The following CXXC4 variants were observed in gnomAD, a reference collection of about 807,000 sequenced individuals.
CXXC4 encodes CXXC finger protein 4.
In CXXC4, 5 loss-of-function variants were observed where a neutral mutation model predicts 20.5. That is an observed-to-expected ratio of 0.24 (90% CI 0.13 to 0.51). The LOEUF (loss-of-function observed/expected upper bound fraction) is 0.51. Ranked by LOEUF, CXXC4 falls within the 20% of genes least tolerant of loss-of-function variation. CXXC4 has a pLI of 0.97. For missense variants in CXXC4, 419 were observed against 496.4 expected (o/e 0.84, Z 1.48); for synonymous variants, 250 against 216.4 (o/e 1.16, Z -1.36).
intron 2 of CXXC4, among the ~76,000 whole-genome samples, chr4:104,483,665 A>G (rs933607809): frequency 6.6e-6 from 1 of 151,838 alleles, no homozygotes; most frequent in Admixed American, 6.6e-5. Flanking sequence ...ATGTTTTCCA[A>G]CTGGAATTCA....
At chr4:104,490,701 G>C (rs373697391) in intron 2 of CXXC4, 43 bp downstream of exon 2, 2 of 1,518,328 alleles carry the variant, frequency 1.3e-6, no homozygotes, top group Non-Finnish European at 9.0e-7. Context: ...GGAGTGAGGA[G>C]GGAAGGGGGG....
rs1454279787 is a variant in CXXC4, at chr4:104,494,683, G to A, written c.-258+18C>T. On this transcript the variant is annotated intron_variant, in intron 1 of 2. Transcript: ENST00000394767. ...TGGGGGGGGGGGGGTAAATAAATATGCGGATCAAAAAAAATACCTGTAAAT... is the reference window on the plus strand; with the variant it reads ...TGGGGGGGGGGGGGTAAATAAATATACGGATCAAAAAAAATACCTGTAAAT... 8 of 146,554 alleles carry A rather than the reference G, an allele frequency of 5.5e-5. No individual in the cohort carries two copies. The highest frequency in any genetic ancestry group is 4.5e-4 in the South Asian group (2 of 4,474). The allele number at this position is 146,554 out of a possible 1,614,324, so 9.1% of individuals were successfully genotyped here.
chr4:104,480,746 T>C (rs1348559957), intron 2 of CXXC4, among the ~76,000 whole-genome samples: 1 of 152,100 alleles, frequency 6.6e-6, no homozygotes, highest in Non-Finnish European at 1.5e-5. Context: ...ACCTTAAGTA[T>C]GCCATTTCTT....
chr4:104,494,005 C>T (rs1736975103), intron 1 of CXXC4, among the ~76,000 whole-genome samples: 1 of 152,070 alleles, frequency 6.6e-6, no homozygotes, highest in Non-Finnish European at 1.5e-5. Flanking sequence ...TTTCCAAACA[C>T]AAGCTTTCCT....
At chr4:104,476,865 A>T (rs1314153426) in intron 2 of CXXC4, among the ~76,000 whole-genome samples, 3 of 152,182 alleles carry the variant, frequency 2.0e-5, no homozygotes, top group African/African-American at 7.2e-5. Context: ...AACAAAAGTC[A>T]TGAAATCATT....
In CXXC4 at chr4:104,470,737, T is replaced by C. The variant is rs989783122; in HGVS notation, c.*1585A>G. The C allele has an allele frequency of 6.6e-6, 1 of 152,060 alleles. No individual in the cohort carries two copies. Among genetic ancestry groups the C allele is most frequent in the Non-Finnish European group, 1.5e-5 (1 of 67,974 alleles). 9.4% of individuals were successfully genotyped at this position (152,060 alleles called of 1,614,324 possible). A position where few individuals can be genotyped will look rare whatever the true frequency, so the allele number is the denominator to read the frequency against. Reference sequence around the variant, plus strand: ...TGGCTAGTGGACAAAGAACAAAAAGTTGCAGTAGGTAACTTTGATACTCTA... The same window carrying C: ...TGGCTAGTGGACAAAGAACAAAAAGCTGCAGTAGGTAACTTTGATACTCTA... On this transcript the variant is annotated 3_prime_UTR_variant, in exon 3 of 3. Transcript: ENST00000394767.
chr4:104,485,381 G>A (rs951717782), intron 2 of CXXC4, among the ~76,000 whole-genome samples: 9 of 152,008 alleles, frequency 5.9e-5, no homozygotes, highest in Admixed American at 1.3e-4. Context: ...AAATGCAAGA[G>A]TTTATTTTTG....
intron 2 of CXXC4, among the ~76,000 whole-genome samples, chr4:104,487,592 A>G (rs72951400): frequency 2.2e-4 from 33 of 152,326 alleles, no homozygotes; most frequent in African/African-American, 7.5e-4. Context: ...TTAAAACATC[A>G]AGGAACTTAA....
chr4:104,479,831 C>T (rs1260235059), intron 2 of CXXC4, among the ~76,000 whole-genome samples: 2 of 150,538 alleles, frequency 1.3e-5, no homozygotes, highest in African/African-American at 4.9e-5. Flanking sequence ...CCCTCCCTCC[C>T]TCTCTCCCTT....
chr4:104,489,035 T>C (rs1736767478), intron 2 of CXXC4, among the ~76,000 whole-genome samples: 1 of 152,204 alleles, frequency 6.6e-6, no homozygotes, highest in Non-Finnish European at 1.5e-5. Flanking sequence ...TAATTTCCCA[T>C]AGTCCTTAGA....
Position 104,491,741 on chromosome 4 carries a change from T to C in CXXC4, c.62A>G (p.Glu21Gly). 1 of 1,540,180 alleles carries C rather than the reference T, an allele frequency of 6.5e-7. No homozygotes were observed. Among genetic ancestry groups the C allele is most frequent in the Non-Finnish European group, 8.8e-7 (1 of 1,142,278 alleles). ...CAGAGCCCCCTCGGGCAAGTGGCTTTCCTTGGGCAAGCCCGGGGCCTCCGG... is the reference window on the plus strand; with the variant it reads ...CAGAGCCCCCTCGGGCAAGTGGCTTCCCTTGGGCAAGCCCGGGGCCTCCGG... ...PSPEAPGLPK[E>G]SHLPEGALNS... The change falls in exon 2 of 3, where the codon GAA becomes GGA. Residue 21 changes from glutamate (E) to glycine (G), a missense_variant. Coordinates refer to ENST00000394767, the MANE Select transcript of CXXC4 (RefSeq NM_025212.4).
At chr4:104,475,926 C>T (rs1578315117) in intron 2 of CXXC4, among the ~76,000 whole-genome samples, 1 of 152,112 alleles carries the variant, frequency 6.6e-6, no homozygotes, top group East Asian at 1.9e-4. Flanking sequence ...CGCTGACAAA[C>T]AGCCGTCTTG....
In CXXC4 at chr4:104,492,010, G is replaced by A. The variant is rs2110281397; in HGVS notation, c.-208C>T. On this transcript the variant is annotated 5_prime_UTR_variant, in exon 2 of 3. Coordinates refer to ENST00000394767, the MANE Select transcript of CXXC4 (RefSeq NM_025212.4). ...TCTCTGGGGCTCATTTCCACAGACG[G>A]TGAATTCCCAGGCAGCGTCTTCCTT... The A allele has an allele frequency of 7.6e-6, 3 of 394,782 alleles. No homozygotes were observed. In the East Asian group the frequency reaches 1.1e-4, roughly 15 times the overall value. 24.5% of individuals were successfully genotyped at this position (394,782 alleles called of 1,614,324 possible).
chr4:104,476,871 T>G (rs1050520930), intron 2 of CXXC4, among the ~76,000 whole-genome samples: 6 of 152,162 alleles, frequency 3.9e-5, no homozygotes, highest in African/African-American at 1.4e-4. Context: ...AGTCATGAAA[T>G]CATTTTATGA....
rs2110268113 is a variant in CXXC4 at position 104,471,030 on chromosome 4, G to A, written c.*1292C>T. 1 of 152,066 alleles carries A rather than the reference G, an allele frequency of 6.6e-6. No homozygotes were observed. Among genetic ancestry groups the A allele is most frequent in the South Asian group, 2.1e-4 (1 of 4,814 alleles). The allele number at this position is 152,066 out of a possible 1,614,324, so 9.4% of individuals were successfully genotyped here. ...TAGCCCTGCCTTCTCAGGAATGAAA[G>A]CATCAAGTAACAACAATGGAAATGG... On this transcript the variant is annotated 3_prime_UTR_variant, in exon 3 of 3. Coordinates refer to ENST00000394767, the MANE Select transcript of CXXC4 (RefSeq NM_025212.4).
intron 2 of CXXC4, among the ~76,000 whole-genome samples, chr4:104,479,691 T>G (rs569105911): frequency 2.5e-4 from 38 of 152,194 alleles, no homozygotes; most frequent in Admixed American, 2.5e-3. Flanking sequence ...AAACTATAGT[T>G]CTAATAATAA....
intron 2 of CXXC4, among the ~76,000 whole-genome samples, chr4:104,481,764 A>G (rs1011108664): frequency 1.3e-5 from 2 of 152,122 alleles, no homozygotes; most frequent in African/African-American, 4.8e-5. Flanking sequence ...CCACCTAAAC[A>G]TCTGTTAAAT....
At chr4:104,493,684 A>G (rs1338930521) in intron 1 of CXXC4, among the ~76,000 whole-genome samples, 1 of 152,204 alleles carries the variant, frequency 6.6e-6, no homozygotes, top group African/African-American at 2.4e-5. Context: ...CGCATTAGGG[A>G]AAACTGCTGC....
At position 104,491,502 on chromosome 4, in the gene CXXC4, T is replaced by TGGC. The variant is rs949353670; in HGVS notation, c.298_300dup (p.Ala100dup). ...CCGCCGCTGCCCCAGAGCATGGCGG[T>TGGC]GGCGGCGGCGGCGGTGGCCGCGTTG... On this transcript the variant is annotated inframe_insertion, in exon 2 of 3. Transcript: ENST00000394767. 257 of 818,384 alleles carry TGGC rather than the reference T, an allele frequency of 3.1e-4. No individual in the cohort carries two copies. Among genetic ancestry groups the TGGC allele is most frequent in the African/African-American group, 6.3e-4 (32 of 51,050 alleles). The allele number at this position is 818,384 out of a possible 1,614,324, so 50.7% of individuals were successfully genotyped here.
Sources: gnomAD v4.1 joint callset for allele counts (sites outside exome capture counted in the v4.1 genomes callset) on GRCh38, gnomAD v4.1.1 for gene constraint, MANE v1.5 for transcripts, NCBI Gene and HGNC (gene_info 2026-07-23, HGNC 2026-07-21) for gene names.